PDCD1LG2: variants seen among roughly 807,000 people sequenced by gnomAD.
The protein encoded by PDCD1LG2 is B7 dendritic cell molecule.
PDCD1LG2 carries 32 observed loss-of-function variants against 28.2 expected under a neutral mutation model. That is an observed-to-expected ratio of 1.13 (90% CI 0.86 to 1.52). The LOEUF (loss-of-function observed/expected upper bound fraction) is 1.52. Among genes scored for constraint, PDCD1LG2 ranks in the 40% most tolerant of loss-of-function variants. PDCD1LG2 has a pLI of 0.00. For synonymous variants in PDCD1LG2, 116 were observed against 120.2 expected (o/e 0.97, Z 0.23); for missense variants, 385 against 323.8 (o/e 1.19, Z -1.45).
intron 2 of PDCD1LG2, among the ~76,000 whole-genome samples, chr9:5,528,875 A>C (rs879351894): frequency 6.6e-6 from 1 of 152,170 alleles, no homozygotes; most frequent in Non-Finnish European, 1.5e-5. Context: ...AATTACAGGC[A>C]TGTACCACCA....
rs890825119 is a variant in PDCD1LG2, at chr9:5,570,759, C to A, written c.*800C>A. On this transcript the variant is annotated 3_prime_UTR_variant, in exon 7 of 7. Transcript: ENST00000397747. ...TATTTGATATGCTCATACGTTGTAT[C>A]TGCAGCAATTTCAGATAAGTAGCTA... 2 of 231,914 alleles carry A rather than the reference C, an allele frequency of 8.6e-6. No homozygotes were observed. The highest frequency in any genetic ancestry group is 1.7e-5 in the Non-Finnish European group (2 of 117,358). The allele number at this position is 231,914 out of a possible 1,614,324, so 14.4% of individuals were successfully genotyped here. A position where few individuals can be genotyped will look rare whatever the true frequency, so the allele number is the denominator to read the frequency against.
At chr9:5,534,237 T>G (rs578117951) in intron 2 of PDCD1LG2, among the ~76,000 whole-genome samples, 2 of 152,240 alleles carry the variant, frequency 1.3e-5, no homozygotes, top group East Asian at 3.9e-4. Context: ...TGAGAGGAAG[T>G]GATACCTGGC....
rs1318998039 is a variant in PDCD1LG2 at position 5,524,321 on chromosome 9, T to C, written c.55+1720T>C. Among the ~76,000 whole-genome samples the C allele has an allele frequency of 2.6e-5, 4 of 152,336 alleles. No individual in the cohort carries two copies. In the East Asian group the frequency reaches 7.7e-4, roughly 29 times the overall value. ...ACCCATAAATCTTCCAACTTTGGAA[T>C]AGGTTTTTGCACTGAAGTCTGAATA... On this transcript the variant is annotated intron_variant, in intron 2 of 6. Coordinates refer to ENST00000397747, the MANE Select transcript of PDCD1LG2 (RefSeq NM_025239.4).
intron 6 of PDCD1LG2, among the ~76,000 whole-genome samples, chr9:5,568,513 T>C (rs1342441999): frequency 6.6e-6 from 1 of 152,130 alleles, no homozygotes; most frequent in Non-Finnish European, 1.5e-5. Context: ...CCACACCCAA[T>C]CCATGGAAAA....
intron 4 of PDCD1LG2, among the ~76,000 whole-genome samples, chr9:5,556,506 C>T (rs1331883859): frequency 6.6e-6 from 1 of 152,192 alleles, no homozygotes; most frequent in Non-Finnish European, 1.5e-5. Flanking sequence ...GATGACCTCA[C>T]ATAGATTATT....
chr9:5,517,957 C>T (rs1038826098), intron 1 of PDCD1LG2, among the ~76,000 whole-genome samples: 1 of 152,048 alleles, frequency 6.6e-6, no homozygotes, highest in African/African-American at 2.4e-5. Context: ...TGATAAGAAG[C>T]TGAATTAAGG....
At chr9:5,522,783 G>A (rs1249447545) in intron 2 of PDCD1LG2, among the ~76,000 whole-genome samples, 182 bp downstream of exon 2, 1 of 151,816 alleles carries the variant, frequency 6.6e-6, no homozygotes, top group Non-Finnish European at 1.5e-5. Context: ...ACATGCCAAT[G>A]TCCCTATCTG....
At chr9:5,514,690 C>T (rs1820121694) in intron 1 of PDCD1LG2, among the ~76,000 whole-genome samples, 2 of 145,118 alleles carry the variant, frequency 1.4e-5, no homozygotes, top group African/African-American at 5.1e-5. Context: ...GCCAGGAATT[C>T]GAGGCTGCAG....
chr9:5,568,064 TTC>T (rs1816700079), intron 6 of PDCD1LG2, among the ~76,000 whole-genome samples: 1 of 152,232 alleles, frequency 6.6e-6, no homozygotes, highest in South Asian at 2.1e-4. Flanking sequence ...GGTTTCCAAT[TTC>T]TTTTTCTTTT....
At chr9:5,516,895 T>C (rs933841104) in intron 1 of PDCD1LG2, among the ~76,000 whole-genome samples, 1 of 152,014 alleles carries the variant, frequency 6.6e-6, no homozygotes. Context: ...CCCCTGAGAG[T>C]ACAGAGATGC....
rs575578340 is a variant in PDCD1LG2, at chr9:5,552,884, C to T, written c.631+3280C>T. Among the ~76,000 whole-genome samples, 4 of 152,262 alleles carry T rather than the reference C, an allele frequency of 2.6e-5. No homozygotes were observed. The East Asian group carries it at 7.7e-4, about 29-fold the overall frequency. Reference sequence around the variant, plus strand: ...CCAACACTAAAGTTAGCCCAACTTCCTTCTAACTAAATTATTAGTTTAGAA... The same window carrying T: ...CCAACACTAAAGTTAGCCCAACTTCTTTCTAACTAAATTATTAGTTTAGAA... On this transcript the variant is annotated intron_variant, in intron 4 of 6. Coordinates refer to ENST00000397747, the MANE Select transcript of PDCD1LG2 (RefSeq NM_025239.4).
chr9:5,523,239 C>G lies in PDCD1LG2; in HGVS notation c.55+638C>G, dbSNP rs986703011. On this transcript the variant is annotated intron_variant, in intron 2 of 6. Coordinates refer to ENST00000397747, the MANE Select transcript of PDCD1LG2 (RefSeq NM_025239.4). ...AAGCAGTTTCACAGTTGGTTGTTCT[C>G]CTGGGGAAGGTAGTTCAGACCATTC... is the stretch of plus-strand genomic sequence containing the variant. Among the ~76,000 whole-genome samples the G allele has an allele frequency of 2.0e-5, 3 of 152,212 alleles. No homozygotes were observed. The East Asian group carries it at 5.8e-4, about 29-fold the overall frequency.
intron 4 of PDCD1LG2, 115 bp from the exon 5 acceptor site, chr9:5,557,503 G>A (rs1233453937): frequency 3.3e-6 from 4 of 1,204,808 alleles, no homozygotes; most frequent in South Asian, 2.7e-5. Flanking sequence ...GCCTGGTGTG[G>A]AGTAAATGCT....
chr9:5,550,553 G>A (rs1816308763), intron 4 of PDCD1LG2, among the ~76,000 whole-genome samples: 1 of 152,162 alleles, frequency 6.6e-6, no homozygotes, highest in Non-Finnish European at 1.5e-5. Context: ...GATTGCAGAG[G>A]CCCTAAGGGA....
chr9:5,542,989 T>A (rs1321155314), intron 3 of PDCD1LG2, among the ~76,000 whole-genome samples: 1 of 150,372 alleles, frequency 6.7e-6, no homozygotes, highest in Admixed American at 7.0e-5. Flanking sequence ...TATACATACA[T>A]ATATATATGC....
chr9:5,522,368 C>G (rs147035034), intron 1 of PDCD1LG2, among the ~76,000 whole-genome samples, 165 bp from the exon 2 acceptor site: 255 of 152,286 alleles, frequency 1.7e-3, no homozygotes, highest in Non-Finnish European at 3.1e-3. Context: ...TATATCTTCT[C>G]TTCTCCAGGA....
At chr9:5,517,041 C>T (rs555630898) in intron 1 of PDCD1LG2, among the ~76,000 whole-genome samples, 1 of 152,350 alleles carries the variant, frequency 6.6e-6, no homozygotes, top group South Asian at 2.1e-4. Flanking sequence ...TGCAGCTGCT[C>T]TAAACGGGCA....
chr9:5,557,608 C>T lies in PDCD1LG2; in HGVS notation c.632-10C>T, dbSNP rs182240273. On this transcript the variant is annotated splice_polypyrimidine_tract_variant and intron_variant, in intron 4 of 6. Coordinates refer to ENST00000397747, the MANE Select transcript of PDCD1LG2 (RefSeq NM_025239.4). Reference sequence around the variant, plus strand: ...ATGTAACAGGATTCTGGTGCTTTTCCTTTGCCCAGGTCAGATGGAACCCAG... The same window carrying T: ...ATGTAACAGGATTCTGGTGCTTTTCTTTTGCCCAGGTCAGATGGAACCCAG... 14 of 1,613,826 alleles carry T rather than the reference C, an allele frequency of 8.7e-6. No homozygotes were observed. The African/African-American group carries it at 1.3e-4, about 15-fold the overall frequency.
Position 5,571,105 on chromosome 9 carries a change from A to G in PDCD1LG2, c.*1146A>G, listed in dbSNP as rs41280729. The G allele has an allele frequency of 0.037, 8,720 of 232,734 alleles. 242 individuals carry two copies. Among genetic ancestry groups the G allele is most frequent in the Non-Finnish European group, 0.057 (6,694 of 117,696 alleles). 14.4% of individuals were successfully genotyped at this position (232,734 alleles called of 1,614,324 possible). ...AACAGACTTACATAGGTGGGCCTAA[A>G]GCAAGCTCCTTAACTGAGCAAAATT... On this transcript the variant is annotated 3_prime_UTR_variant, in exon 7 of 7. Coordinates refer to ENST00000397747, the MANE Select transcript of PDCD1LG2 (RefSeq NM_025239.4).
Sources: gnomAD v4.1 joint callset for allele counts (sites outside exome capture counted in the v4.1 genomes callset) on GRCh38, gnomAD v4.1.1 for gene constraint, MANE v1.5 for transcripts, NCBI Gene and HGNC (gene_info 2026-07-23, HGNC 2026-07-21) for gene names.